The following DCAF8L2 variants were observed in gnomAD, a reference collection of about 807,000 sequenced individuals.
DCAF8L2 encodes DDB1 and CUL4 associated factor 8 like 2, also known as DDB1- and CUL4-associated factor 8-like protein 2.
For synonymous variants in DCAF8L2, 200 were observed against 190.9 expected (o/e 1.05, Z -0.39); for missense variants, 430 against 490.7 (o/e 0.88, Z 1.17).
intron 4 of DCAF8L2, among the ~76,000 whole-genome samples, chrX:27,731,970 C>T (rs1921229558): frequency 9.0e-6 from 1 of 111,129 alleles, no homozygotes; most frequent in Non-Finnish European, 1.9e-5. Flanking sequence ...ACGGGCAAGA[C>T]CATGATTCAA....
the DCAF8L2 span, among the ~76,000 whole-genome samples, chrX:27,469,721 TC>T: frequency 1.8e-5 from 2 of 111,252 alleles, no homozygotes; most frequent in African/African-American, 6.5e-5. Flanking sequence ...AGTTCATTCT[TC>T]CTGAAAAACA....
intron 2 of DCAF8L2, among the ~76,000 whole-genome samples, chrX:27,643,532 GTT>G (rs1928822502): frequency 9.0e-6 from 1 of 111,683 alleles, no homozygotes; most frequent in Non-Finnish European, 1.9e-5. Flanking sequence ...AATTCCAGCA[GTT>G]TGATAAAAAT....
chrX:27,645,248 A>G (rs143215476), intron 2 of DCAF8L2, among the ~76,000 whole-genome samples: 2,446 of 112,221 alleles, frequency 0.022, 60 homozygotes, highest in African/African-American at 0.073. Flanking sequence ...TATTCCCAAT[A>G]TGCAAGGCTG....
At chrX:27,634,844 C>T (rs1004658713) in intron 2 of DCAF8L2, among the ~76,000 whole-genome samples, 2 of 110,469 alleles carry the variant, frequency 1.8e-5, no homozygotes, top group African/African-American at 3.3e-5. Context: ...GTTTGGAATA[C>T]GGTCCCATCC....
intron 2 of DCAF8L2, among the ~76,000 whole-genome samples, chrX:27,636,528 C>G (rs969991083): frequency 2.7e-5 from 3 of 111,525 alleles, no homozygotes; most frequent in Non-Finnish European, 5.6e-5. Flanking sequence ...TGTGTATCCC[C>G]AGGATGTAAT....
chrX:27,525,387 A>G, the DCAF8L2 span, among the ~76,000 whole-genome samples: 2 of 111,350 alleles, frequency 1.8e-5, no homozygotes, highest in East Asian at 5.7e-4. Context: ...TGCTTGGTAG[A>G]TCTTCCTCCA....
At chrX:27,514,686 A>C in the DCAF8L2 span, among the ~76,000 whole-genome samples, 22 of 87,929 alleles carry the variant, frequency 2.5e-4, no homozygotes, top group Admixed American at 9.8e-4. Context: ...AAAAAAAAAA[A>C]AAAAAAAAAC....
chrX:27,670,144 C>A (rs1439856483), intron 2 of DCAF8L2, among the ~76,000 whole-genome samples: 1 of 102,295 alleles, frequency 9.8e-6, no homozygotes, highest in African/African-American at 3.5e-5. Context: ...TTTGTGACTA[C>A]CATACTTCCT....
chrX:27,505,675 A>G, the DCAF8L2 span, among the ~76,000 whole-genome samples: 1 of 111,354 alleles, frequency 9.0e-6, no homozygotes, highest in Non-Finnish European at 1.9e-5. Flanking sequence ...CTTCTAATGA[A>G]CAGAATATGA....
chrX:27,737,879 T>G (rs1341860863), intron 4 of DCAF8L2, among the ~76,000 whole-genome samples: 2 of 111,429 alleles, frequency 1.8e-5, no homozygotes, highest in African/African-American at 6.5e-5. Context: ...AATCTTAGTA[T>G]GCATTGCACT....
chrX:27,588,025 G>GTT (rs977108674), upstream of DCAF8L2, among the ~76,000 whole-genome samples: 1 of 95,863 alleles, frequency 1.0e-5, no homozygotes, highest in African/African-American at 4.2e-5. Context: ...TAATTTCAAA[G>GTT]TTTATTTTAG....
the DCAF8L2 span, chrX:27,517,752 A>G: frequency 1.8e-6 from 2 of 1,132,762 alleles, no homozygotes; most frequent in Non-Finnish European, 2.4e-6. Flanking sequence ...ACATATATGC[A>G]AAATAACAGC....
At chrX:27,525,622 G>C in the DCAF8L2 span, among the ~76,000 whole-genome samples, 3 of 111,729 alleles carry the variant, frequency 2.7e-5, no homozygotes, top group Admixed American at 9.6e-5. Flanking sequence ...TCTTCCTAGT[G>C]TCAATGGTCT....
chrX:27,593,037 G>A (rs1296660751), intron 1 of DCAF8L2, among the ~76,000 whole-genome samples: 1 of 111,511 alleles, frequency 9.0e-6, no homozygotes, highest in Non-Finnish European at 1.9e-5. Context: ...GACCTCAGGT[G>A]ATCCACCTGC....
intron 2 of DCAF8L2, among the ~76,000 whole-genome samples, chrX:27,634,989 T>TAG (rs1187785568): frequency 5.3e-5 from 5 of 94,987 alleles, no homozygotes; most frequent in African/African-American, 2.1e-4. Flanking sequence ...CACACATATA[T>TAG]AGAGAGAGAG....
chrX:27,612,754 G>C lies in DCAF8L2; in HGVS notation c.-341-19125G>C, dbSNP rs765623012. 2.7e-5 allele frequency among the ~76,000 whole-genome samples: 3 copies of C among 111,736 alleles called. No homozygotes were observed. The South Asian group carries it at 1.1e-3, about 42-fold the overall frequency. ...CAGGTTTGTCAAAGATCAGATGGTT[G>C]TAGATATGTGTGGTGTTATTTCTGA... On this transcript the variant is annotated intron_variant, in intron 1 of 4. Coordinates refer to ENST00000451261, the MANE Select transcript of DCAF8L2 (RefSeq NM_001353450.2).
At chrX:27,713,169 A>G (rs944491641) in intron 3 of DCAF8L2, among the ~76,000 whole-genome samples, 1 of 111,887 alleles carries the variant, frequency 8.9e-6, no homozygotes, top group Non-Finnish European at 1.9e-5. Context: ...AGAAGAACAA[A>G]GTCTGAGGAC....
At chrX:27,632,506 T>C (rs1408449278) in intron 2 of DCAF8L2, 1 of 111,808 alleles carries the variant, frequency 8.9e-6, no homozygotes, top group Non-Finnish European at 1.9e-5. Flanking sequence ...TTGTTCACTC[T>C]GTCCCAGGCA....
the DCAF8L2 span, among the ~76,000 whole-genome samples, chrX:27,511,273 C>T: frequency 2.7e-5 from 3 of 110,778 alleles, no homozygotes; most frequent in South Asian, 3.8e-4. Context: ...TTAAATAATT[C>T]CCAGAGCAGT....
Sources: allele counts gnomAD v4.1 joint callset (sites outside exome capture counted in the v4.1 genomes callset), GRCh38; gene constraint gnomAD v4.1.1; transcripts MANE v1.5; gene names NCBI Gene and HGNC (gene_info 2026-07-23, HGNC 2026-07-21).